The following SRGAP3 variants were observed in gnomAD, a reference collection of about 807,000 sequenced individuals.
The protein encoded by SRGAP3 is SLIT-ROBO Rho GTPase activating protein 3, also known as SLIT-ROBO Rho GTPase-activating protein 3.
A neutral mutation model predicts 121.1 loss-of-function variants in SRGAP3; 39 were observed. That is an observed-to-expected ratio of 0.32 (90% CI 0.25 to 0.42). The LOEUF is 0.42. Ranked by LOEUF, SRGAP3 falls within the 10% of genes least tolerant of loss-of-function variation. The probability of loss-of-function intolerance (pLI) is 1.00; values close to 1 mark genes in which losing one functional copy is unlikely to be tolerated. For synonymous variants in SRGAP3, 601 were observed against 570.0 expected, an observed-to-expected ratio of 1.05 and a Z score of -0.77; for missense variants, 1,213 against 1,470.6, an observed-to-expected ratio of 0.82 and a Z score of 2.86.
intron 1 of SRGAP3, among the ~76,000 whole-genome samples, chr3:9,178,405 C>T (rs944259291): frequency 1.1e-4 from 16 of 152,220 alleles, no homozygotes; most frequent in African/African-American, 3.1e-4. Context: ...AGACAGACCC[C>T]TGATGGTACC....
At chr3:9,298,471 A>T (rs559665092) in intron 3 of SRGAP3, among the ~76,000 whole-genome samples, 7 of 152,186 alleles carry the variant, frequency 4.6e-5, no homozygotes, top group Non-Finnish European at 7.3e-5. Context: ...CCCTATAAAA[A>T]TCTGGCTGTG....
At chr3:9,008,379 G>A (rs1008515126) in intron 18 of SRGAP3, 2 of 152,268 alleles carry the variant, frequency 1.3e-5, no homozygotes, top group Non-Finnish European at 2.9e-5. Context: ...GACTGACAGG[G>A]ACCTCAGCCC....
intron 1 of SRGAP3, among the ~76,000 whole-genome samples, chr3:9,347,064 G>T (rs1205998277): frequency 6.6e-6 from 1 of 152,120 alleles, no homozygotes; most frequent in East Asian, 1.9e-4. Context: ...AAAGTGCTGG[G>T]ATTATAGGCA....
chr3:9,047,590 G>A, intron 9 of SRGAP3, 115 bp from the exon 10 acceptor site: 1 of 981,838 alleles, frequency 1.0e-6, no homozygotes, highest in Non-Finnish European at 1.6e-6. Context: ...GTCACCCGCA[G>A]GGACCCCGGC....
intron 3 of SRGAP3, among the ~76,000 whole-genome samples, chr3:9,264,954 C>T (rs557946168): frequency 1.0e-3 from 154 of 152,248 alleles, no homozygotes; most frequent in East Asian, 5.4e-3. Context: ...GGAGGCATCA[C>T]GCTACCTGAC....
chr3:9,057,078 T>G (rs1314790828), intron 7 of SRGAP3, among the ~76,000 whole-genome samples: 4 of 152,134 alleles, frequency 2.6e-5, no homozygotes, highest in African/African-American at 4.8e-5. Flanking sequence ...TGTTTGTTTG[T>G]TTTTTGTTGT....
intron 1 of SRGAP3, among the ~76,000 whole-genome samples, chr3:9,168,312 C>G (rs528770054): frequency 6.6e-6 from 1 of 152,342 alleles, no homozygotes; most frequent in East Asian, 1.9e-4. Context: ...GGCAGGAGCC[C>G]AACCATCGTC....
At chr3:9,029,695 A>G (rs551901648) in intron 12 of SRGAP3, among the ~76,000 whole-genome samples, 6 of 152,232 alleles carry the variant, frequency 3.9e-5, no homozygotes, top group Admixed American at 1.3e-4. Flanking sequence ...GATTGAATAC[A>G]TTATACTGCC....
At chr3:9,277,607 CAAAAAAAAA>C (rs35955575) in intron 3 of SRGAP3, among the ~76,000 whole-genome samples, 15 of 59,832 alleles carry the variant, frequency 2.5e-4, no homozygotes, top group Non-Finnish European at 3.6e-4. Flanking sequence ...GAAGCCATCT[CAAAAAAAAA>C]AAAAAAAAAA....
At chr3:9,197,869 G>T (rs1182305607) in intron 1 of SRGAP3, among the ~76,000 whole-genome samples, 2 of 152,212 alleles carry the variant, frequency 1.3e-5, no homozygotes, top group African/African-American at 4.8e-5. Context: ...TATGAATTGT[G>T]TATCTCCAAG....
intron 11 of SRGAP3, 107 bp downstream of exon 11, chr3:9,037,956 T>C: frequency 6.8e-7 from 1 of 1,471,298 alleles, no homozygotes; most frequent in South Asian, 1.1e-5. Context: ...GGGACATTGG[T>C]GAAGAAGCCA....
At chr3:9,131,227 TC>T (rs569475622) in intron 1 of SRGAP3, among the ~76,000 whole-genome samples, 3 of 151,732 alleles carry the variant, frequency 2.0e-5, no homozygotes, top group African/African-American at 4.9e-5. Flanking sequence ...AGCAGACGTT[TC>T]CCCCCCGGGG....
chr3:9,069,863 C>A (rs1946618494), intron 4 of SRGAP3, among the ~76,000 whole-genome samples: 1 of 152,168 alleles, frequency 6.6e-6, no homozygotes, highest in Non-Finnish European at 1.5e-5. Flanking sequence ...AGGAGAATAG[C>A]TTGAACCCAG....
At chr3:9,026,614 C>G (rs1287924177) in intron 13 of SRGAP3, among the ~76,000 whole-genome samples, 1 of 152,178 alleles carries the variant, frequency 6.6e-6, no homozygotes, top group East Asian at 1.9e-4. Context: ...AGCTTATAAT[C>G]TAGCCGTATT....
chr3:9,043,341 T>C (rs1481980871), intron 10 of SRGAP3, among the ~76,000 whole-genome samples: 9 of 152,108 alleles, frequency 5.9e-5, no homozygotes, highest in Non-Finnish European at 8.8e-5. Context: ...TACTTAGTAG[T>C]TTGTTTACCG....
chr3:9,175,090 A>G (rs1951129581), intron 1 of SRGAP3, among the ~76,000 whole-genome samples: 1 of 152,204 alleles, frequency 6.6e-6, no homozygotes, highest in Non-Finnish European at 1.5e-5. Context: ...AGGCCCTGTC[A>G]GCCAAACACC....
chr3:9,196,723 T>C (rs1951929617), intron 1 of SRGAP3, among the ~76,000 whole-genome samples: 1 of 152,058 alleles, frequency 6.6e-6, no homozygotes, highest in Non-Finnish European at 1.5e-5. Context: ...CAGAAAATAA[T>C]AAAGGTGACA....
chr3:9,236,862 C>T (rs1021269428), intron 1 of SRGAP3, among the ~76,000 whole-genome samples: 15 of 152,078 alleles, frequency 9.9e-5, no homozygotes, highest in African/African-American at 3.1e-4. Flanking sequence ...AAATATAGTT[C>T]CCATTCTTAT....
At chr3:9,117,945 C>A (rs1948862322) in intron 2 of SRGAP3, among the ~76,000 whole-genome samples, 1 of 151,988 alleles carries the variant, frequency 6.6e-6, no homozygotes, top group Non-Finnish European at 1.5e-5. Flanking sequence ...ATAGCAAGAC[C>A]CCTGCCTCTA....
Sources: gnomAD v4.1 joint callset for allele counts (sites outside exome capture counted in the v4.1 genomes callset) on GRCh38, gnomAD v4.1.1 for gene constraint, MANE v1.5 for transcripts, NCBI Gene and HGNC (gene_info 2026-07-23, HGNC 2026-07-21) for gene names.